Variants in GRIK2 observed in about 807,000 individuals in gnomAD.
GRIK2 encodes glutamate receptor ionotropic, kainate 2.
Under a neutral mutation model 100.3 loss-of-function variants are expected in GRIK2, and 32 were observed. The ratio of observed to expected loss-of-function variants is 0.32; its 90% CI spans 0.24 to 0.43. The LOEUF (loss-of-function observed/expected upper bound fraction) is 0.43. Among genes scored for constraint, GRIK2 ranks in the 20% least tolerant of loss-of-function variants. GRIK2 has a pLI of 1.00. For missense variants in GRIK2, 843 were observed against 1,114.9 expected, an observed-to-expected ratio of 0.76 and a Z score of 3.47; for synonymous variants, 417 against 389.4, an observed-to-expected ratio of 1.07 and a Z score of -0.83.
intron 7 of GRIK2, among the ~76,000 whole-genome samples, chr6:101,711,141 A>G (rs79406251): frequency 0.017 from 2,630 of 151,902 alleles, 78 homozygotes; most frequent in African/African-American, 0.061. Flanking sequence ...TATCCCAATT[A>G]ACATTTACTG....
intron 2 of GRIK2, among the ~76,000 whole-genome samples, chr6:101,474,387 G>A (rs1020067764): frequency 3.3e-5 from 5 of 151,800 alleles, no homozygotes; most frequent in African/African-American, 1.2e-4. Context: ...CTTCTTTGAG[G>A]AGGATCAAGA....
intron 7 of GRIK2, among the ~76,000 whole-genome samples, chr6:101,771,225 TC>T (rs1417278540): frequency 1.3e-5 from 2 of 150,362 alleles, no homozygotes; most frequent in African/African-American, 2.5e-5. Flanking sequence ...TAGTTATCTT[TC>T]TTTTTTTTCT....
In GRIK2 at chr6:101,418,793, G is replaced by A. The variant is rs74551932; in HGVS notation, c.115+19401G>A. 5.8e-4 allele frequency among the ~76,000 whole-genome samples: 88 copies of A among 152,266 alleles called. 1 individual carries two copies. In the East Asian group the frequency reaches 0.012, roughly 21 times the overall value. Reference sequence around the variant, plus strand: ...TGAATGAAAAATAGCAATTTGAACAGCATCTGCAAAGTGACATGTATAAAA... The same window carrying A: ...TGAATGAAAAATAGCAATTTGAACAACATCTGCAAAGTGACATGTATAAAA... On this transcript the variant is annotated intron_variant, in intron 2 of 16. Coordinates refer to ENST00000369134, the MANE Select transcript of GRIK2 (RefSeq NM_021956.5).
intron 2 of GRIK2, among the ~76,000 whole-genome samples, chr6:101,560,840 A>G (rs1251094145): frequency 6.6e-6 from 1 of 152,174 alleles, no homozygotes; most frequent in East Asian, 1.9e-4. Context: ...CAAACTTGCC[A>G]TTTCTATTCA....
intron 2 of GRIK2, among the ~76,000 whole-genome samples, chr6:101,566,488 TA>T (rs576281439): frequency 2.0e-5 from 3 of 148,066 alleles, no homozygotes; most frequent in South Asian, 4.2e-4. Context: ...TCTAAATATT[TA>T]AAAAAGAGTC....
chr6:101,709,895 A>C (rs1289645276), intron 7 of GRIK2, among the ~76,000 whole-genome samples: 1 of 151,780 alleles, frequency 6.6e-6, no homozygotes, highest in African/African-American at 2.4e-5. Flanking sequence ...AAGCCTGAGA[A>C]TTCTTGCCAT....
At chr6:101,421,439 A>G (rs897841773) in intron 2 of GRIK2, among the ~76,000 whole-genome samples, 5 of 152,202 alleles carry the variant, frequency 3.3e-5, no homozygotes, top group Non-Finnish European at 7.3e-5. Context: ...GGGACCTTCC[A>G]GTTGTCTGCG....
At position 101,439,774 on chromosome 6, in the gene GRIK2, A is replaced by G. The variant is rs142014275; in HGVS notation, c.115+40382A>G. Among the ~76,000 whole-genome samples the G allele has an allele frequency of 5.9e-3, 891 of 152,258 alleles. 16 individuals are homozygous for G. Among genetic ancestry groups the G allele is most frequent in the African/African-American group, 0.02 (839 of 41,562 alleles). On this transcript the variant is annotated intron_variant, in intron 2 of 16. Coordinates refer to ENST00000369134, the MANE Select transcript of GRIK2 (RefSeq NM_021956.5). ...ATTATAAGTAGCTATCTTACCTATG[A>G]TGTAATTATTTTTAAATGGACTTCT...
intron 2 of GRIK2, among the ~76,000 whole-genome samples, chr6:101,460,308 A>G (rs986590269): frequency 6.6e-6 from 1 of 152,218 alleles, no homozygotes; most frequent in East Asian, 1.9e-4. Flanking sequence ...TCAAAGGAGA[A>G]AAAGTATCCC....
intron 2 of GRIK2, among the ~76,000 whole-genome samples, chr6:101,592,682 C>T (rs183904547): frequency 6.8e-6 from 1 of 146,348 alleles, no homozygotes; most frequent in East Asian, 2.1e-4. Context: ...AAGGACTGGG[C>T]TTTGCAGAAT....
intron 2 of GRIK2, among the ~76,000 whole-genome samples, chr6:101,563,219 C>T (rs1321116761): frequency 1.1e-4 from 17 of 152,124 alleles, no homozygotes; most frequent in Admixed American, 1.1e-3. Flanking sequence ...AACCATCAGG[C>T]AGGGCTTCTT....
chr6:101,618,529 A>C (rs1780002973), intron 2 of GRIK2, among the ~76,000 whole-genome samples: 1 of 151,762 alleles, frequency 6.6e-6, no homozygotes, highest in South Asian at 2.1e-4. Context: ...TTTAATTCTA[A>C]ACATAAACTT....
At chr6:101,708,177 T>C (rs1389868951) in intron 7 of GRIK2, among the ~76,000 whole-genome samples, 1 of 151,820 alleles carries the variant, frequency 6.6e-6, no homozygotes, top group East Asian at 1.9e-4. Context: ...TTTTATTCCG[T>C]ATTTAACACT....
intron 2 of GRIK2, among the ~76,000 whole-genome samples, chr6:101,614,600 TAAAG>T (rs973426252): frequency 6.6e-6 from 1 of 151,716 alleles, no homozygotes; most frequent in Non-Finnish European, 1.5e-5. Flanking sequence ...GTATAAAAAT[TAAAG>T]AAGCTTGATG....
intron 2 of GRIK2, among the ~76,000 whole-genome samples, chr6:101,596,995 C>A (rs746360557): frequency 6.6e-6 from 1 of 151,722 alleles, no homozygotes; most frequent in Non-Finnish European, 1.5e-5. Context: ...AACCTAGGTG[C>A]CCAATAATGG....
intron 12 of GRIK2, among the ~76,000 whole-genome samples, chr6:101,910,338 GT>G (rs1325148462): frequency 6.6e-6 from 1 of 150,842 alleles, no homozygotes; most frequent in Non-Finnish European, 1.5e-5. Flanking sequence ...ATTTTGTTTG[GT>G]TTTTTTAAAT....
At chr6:101,436,948 A>C (rs1417470349) in intron 2 of GRIK2, among the ~76,000 whole-genome samples, 1 of 151,356 alleles carries the variant, frequency 6.6e-6, no homozygotes, top group African/African-American at 2.4e-5. Flanking sequence ...TCATATTTAA[A>C]GTAGAGATCT....
chr6:101,874,976 A>T (rs1268465939), intron 11 of GRIK2, among the ~76,000 whole-genome samples: 1 of 152,150 alleles, frequency 6.6e-6, no homozygotes, highest in East Asian at 1.9e-4. Context: ...GAAGTTGCTT[A>T]ACAGCTTAAG....
chr6:102,066,910 T>C (rs1348440893), intron 16 of GRIK2, among the ~76,000 whole-genome samples: 1 of 151,534 alleles, frequency 6.6e-6, no homozygotes, highest in East Asian at 1.9e-4. Context: ...AAAGGAAAAT[T>C]AGGATATAGC....
Sources: gnomAD v4.1 joint callset for allele counts (sites outside exome capture counted in the v4.1 genomes callset) on GRCh38, gnomAD v4.1.1 for gene constraint, MANE v1.5 for transcripts, NCBI Gene and HGNC (gene_info 2026-07-23, HGNC 2026-07-21) for gene names.